The following GRM8 variants were observed in gnomAD, a reference collection of about 807,000 sequenced individuals.
GRM8 encodes the protein glutamate metabotropic receptor 8, also known as metabotropic glutamate receptor 8.
In GRM8, 47 loss-of-function variants were observed where a neutral mutation model predicts 87.2. That is an observed-to-expected ratio of 0.54 (90% confidence interval 0.43 to 0.69). The LOEUF is 0.69. Ranked by LOEUF, GRM8 falls within the 30% of genes least tolerant of loss-of-function variation. The pLI, the probability that GRM8 is intolerant of heterozygous loss-of-function variation, is 0.00. For missense variants in GRM8, 1,019 were observed against 1,139.2 expected, an observed-to-expected ratio of 0.89 and a Z score of 1.52; for synonymous variants, 396 against 404.5, an observed-to-expected ratio of 0.98 and a Z score of 0.25.
At chr7:126,662,822 T>G (rs533684933) in intron 7 of GRM8, among the ~76,000 whole-genome samples, 1 of 152,070 alleles carries the variant, frequency 6.6e-6, no homozygotes, top group Non-Finnish European at 1.5e-5. Flanking sequence ...GATTATGAAA[T>G]GTTTAGTGTT....
At chr7:127,103,323 G>T (rs1474585791) in intron 3 of GRM8, among the ~76,000 whole-genome samples, 1 of 152,190 alleles carries the variant, frequency 6.6e-6, no homozygotes, top group Non-Finnish European at 1.5e-5. Context: ...GAAGGTGTTT[G>T]GGTCATGGGG....
intron 3 of GRM8, among the ~76,000 whole-genome samples, chr7:126,971,228 T>G (rs1054906158): frequency 1.4e-5 from 2 of 143,336 alleles, no homozygotes; most frequent in African/African-American, 5.2e-5. Flanking sequence ...CCTGTACATA[T>G]AAACATCATG....
chr7:127,188,973 T>A (rs1794881404), intron 2 of GRM8, among the ~76,000 whole-genome samples: 1 of 152,232 alleles, frequency 6.6e-6, no homozygotes, highest in South Asian at 2.1e-4. Context: ...TTTCTCATGG[T>A]TTCCATCTCC....
chr7:127,251,773 G>T (rs1349286427), intron 1 of GRM8, among the ~76,000 whole-genome samples: 1 of 151,914 alleles, frequency 6.6e-6, no homozygotes, highest in Admixed American at 6.6e-5. Flanking sequence ...GGAGCTGTTG[G>T]GGTGCGTTTG....
chr7:126,883,420 A>G (rs1325417541), intron 6 of GRM8, among the ~76,000 whole-genome samples: 1 of 152,210 alleles, frequency 6.6e-6, no homozygotes, highest in African/African-American at 2.4e-5. Flanking sequence ...GAATTGTATG[A>G]TAAGAAGACA....
chr7:127,061,449 A>G (rs928932073), intron 3 of GRM8, among the ~76,000 whole-genome samples: 3 of 152,228 alleles, frequency 2.0e-5, no homozygotes, highest in African/African-American at 7.2e-5. Context: ...AAGTGTCTCT[A>G]TGAACTGGGC....
At chr7:126,539,992 C>T (rs944793828) in intron 8 of GRM8, among the ~76,000 whole-genome samples, 1 of 151,856 alleles carries the variant, frequency 6.6e-6, no homozygotes, top group Non-Finnish European at 1.5e-5. Flanking sequence ...AGAGACACCA[C>T]CAAGATTGTT....
At chr7:126,699,558 T>G (rs1331490644) in intron 7 of GRM8, among the ~76,000 whole-genome samples, 1 of 152,206 alleles carries the variant, frequency 6.6e-6, no homozygotes, top group Non-Finnish European at 1.5e-5. Context: ...TACATTATTT[T>G]TATCACCTTC....
intron 6 of GRM8, among the ~76,000 whole-genome samples, chr7:126,853,884 G>T (rs949963327): frequency 6.6e-6 from 1 of 152,110 alleles, no homozygotes; most frequent in Non-Finnish European, 1.5e-5. Flanking sequence ...TTTTCACTAT[G>T]CAGTAAAAAG....
intron 7 of GRM8, among the ~76,000 whole-genome samples, chr7:126,758,113 T>C (rs1214475684): frequency 6.6e-6 from 1 of 152,176 alleles, no homozygotes; most frequent in Non-Finnish European, 1.5e-5. Flanking sequence ...CTAAGGCATG[T>C]AAAGGAATTT....
chr7:127,189,757 C>G (rs1476961185), intron 2 of GRM8, among the ~76,000 whole-genome samples: 1 of 152,290 alleles, frequency 6.6e-6, no homozygotes, highest in East Asian at 1.9e-4. Flanking sequence ...TAAAACTATT[C>G]TGTGACCCCC....
At chr7:126,859,622 C>T (rs1255315755) in intron 6 of GRM8, among the ~76,000 whole-genome samples, 1 of 152,158 alleles carries the variant, frequency 6.6e-6, no homozygotes, top group Non-Finnish European at 1.5e-5. Flanking sequence ...GAGATGGGTA[C>T]TTTGAGAGTC....
At chr7:127,020,757 T>C (rs1816184246) in intron 3 of GRM8, among the ~76,000 whole-genome samples, 1 of 152,076 alleles carries the variant, frequency 6.6e-6, no homozygotes, top group Non-Finnish European at 1.5e-5. Context: ...CTTGTAATTA[T>C]TCAGATTACA....
chr7:126,467,013 A>G (rs961077443), intron 9 of GRM8, among the ~76,000 whole-genome samples: 3 of 151,930 alleles, frequency 2.0e-5, no homozygotes, highest in Non-Finnish European at 4.4e-5. Flanking sequence ...TTATTATTAT[A>G]CTTTAAGTTT....
intron 7 of GRM8, among the ~76,000 whole-genome samples, chr7:126,617,573 G>C (rs1454873652): frequency 1.3e-5 from 2 of 152,166 alleles, no homozygotes; most frequent in Admixed American, 1.3e-4. Flanking sequence ...ATTAGGAAAA[G>C]AGGAAGTCAA....
intron 7 of GRM8, among the ~76,000 whole-genome samples, chr7:126,748,897 T>G (rs906694939): frequency 1.3e-5 from 2 of 152,060 alleles, no homozygotes; most frequent in African/African-American, 4.8e-5. Context: ...AGACAGTCTT[T>G]TCAAATACTG....
chr7:127,211,034 G>A (rs1156448847), intron 2 of GRM8, among the ~76,000 whole-genome samples: 2 of 152,156 alleles, frequency 1.3e-5, no homozygotes, highest in Non-Finnish European at 2.9e-5. Flanking sequence ...CCTCCAGAAT[G>A]CATATATTGG....
chr7:126,940,144 G>A (rs181932048), intron 3 of GRM8, among the ~76,000 whole-genome samples: 586 of 152,112 alleles, frequency 3.9e-3, no homozygotes, highest in Non-Finnish European at 6.4e-3. Context: ...TTTCTTTTCC[G>A]GATTAAAATA....
At chr7:126,971,157 TAA>T (rs71177581) in intron 3 of GRM8, among the ~76,000 whole-genome samples, 2,022 of 100,106 alleles carry the variant, frequency 0.02, 35 homozygotes, top group East Asian at 0.11. Flanking sequence ...TTTCAATTTG[TAA>T]AAAAAAAAAA....
Sources: allele counts gnomAD v4.1 joint callset (sites outside exome capture counted in the v4.1 genomes callset), GRCh38; gene constraint gnomAD v4.1.1; transcripts MANE v1.5; gene names NCBI Gene and HGNC (gene_info 2026-07-23, HGNC 2026-07-21).